MAGI2: variants seen among roughly 807,000 people sequenced by gnomAD.
MAGI2 encodes the protein membrane associated guanylate kinase, WW and PDZ domain containing 2.
In MAGI2, 35 loss-of-function variants were observed where a neutral mutation model predicts 133.3. That is an observed-to-expected ratio of 0.26 (90% CI 0.20 to 0.35). The LOEUF is 0.35. MAGI2 is among the 10% of genes least tolerant of loss of function. The probability of loss-of-function intolerance (pLI) is 1.00; values close to 1 mark genes in which losing one functional copy is unlikely to be tolerated. For synonymous variants in MAGI2, 729 were observed against 710.6 expected (o/e 1.03, Z -0.41); for missense variants, 1,636 against 1,863.4 (o/e 0.88, Z 2.25).
At chr7:78,475,547 A>G (rs987267643) in intron 6 of MAGI2, among the ~76,000 whole-genome samples, 2 of 152,020 alleles carry the variant, frequency 1.3e-5, no homozygotes, top group Admixed American at 6.6e-5. Context: ...AAGGTAATAT[A>G]ACAAATACAG....
chr7:78,466,149 C>T (rs147111075), intron 6 of MAGI2, among the ~76,000 whole-genome samples: 2 of 152,228 alleles, frequency 1.3e-5, no homozygotes, highest in East Asian at 3.9e-4. Flanking sequence ...ATTCCATTTT[C>T]CTGACTGCTT....
At chr7:78,489,199 A>G (rs1033211034) in intron 6 of MAGI2, among the ~76,000 whole-genome samples, 3 of 152,058 alleles carry the variant, frequency 2.0e-5, no homozygotes, top group African/African-American at 7.2e-5. Flanking sequence ...GATTCTTCAC[A>G]TGCACGAAAA....
At position 78,468,605 on chromosome 7, in the gene MAGI2, T is replaced by A. The variant is rs562570452; in HGVS notation, c.1045+21156A>T. Among the ~76,000 whole-genome samples the A allele has an allele frequency of 6.6e-5, 10 of 152,242 alleles. No individual in the cohort carries two copies. In the South Asian group the frequency reaches 1.0e-3, roughly 16 times the overall value. Reference sequence around the variant, plus strand: ...TTGCACAATTAGAATATTATTTTTTTAAATTGGTTTCAAGTTATAATTTTC... The same window carrying A: ...TTGCACAATTAGAATATTATTTTTTAAAATTGGTTTCAAGTTATAATTTTC... On this transcript the variant is annotated intron_variant, in intron 6 of 21. Transcript: ENST00000354212.
intron 5 of MAGI2, among the ~76,000 whole-genome samples, chr7:78,501,011 C>T (rs368013291): frequency 2.6e-5 from 4 of 152,310 alleles, no homozygotes; most frequent in African/African-American, 7.2e-5. Flanking sequence ...CTGCTTAAGC[C>T]TTGGAGGTTG....
intron 6 of MAGI2, among the ~76,000 whole-genome samples, chr7:78,416,392 A>C (rs1246696047): frequency 1.6e-5 from 2 of 124,128 alleles, no homozygotes; most frequent in Non-Finnish European, 3.3e-5. Flanking sequence ...TACATACATG[A>C]TTGGAAAATA....
chr7:78,638,029 A>G (rs1809862606), intron 2 of MAGI2, among the ~76,000 whole-genome samples: 1 of 152,076 alleles, frequency 6.6e-6, no homozygotes, highest in Non-Finnish European at 1.5e-5. Flanking sequence ...ATGCCACTGC[A>G]CTCAGCCTGG....
chr7:78,244,731 C>G (rs967377582), intron 10 of MAGI2, among the ~76,000 whole-genome samples: 36 of 151,858 alleles, frequency 2.4e-4, no homozygotes, highest in Admixed American at 8.5e-4. Context: ...ATAGTTTATT[C>G]CAGGAATGAA....
intron 1 of MAGI2, among the ~76,000 whole-genome samples, chr7:79,343,563 C>G (rs1202459298): frequency 6.7e-6 from 1 of 148,182 alleles, no homozygotes; most frequent in African/African-American, 2.5e-5. Context: ...AAAAAAAAGG[C>G]ATTGGCCCCA....
intron 11 of MAGI2, among the ~76,000 whole-genome samples, chr7:78,200,105 A>T (rs1829100640): frequency 6.6e-6 from 1 of 152,224 alleles, no homozygotes; most frequent in African/African-American, 2.4e-5. Context: ...GCTAAGCTTA[A>T]ATAGGACTGG....
intron 1 of MAGI2, among the ~76,000 whole-genome samples, chr7:79,167,154 T>A (rs1825011088): frequency 1.8e-3 from 13 of 7,314 alleles, no homozygotes. Context: ...GGGTCTTTGT[T>A]TATATAATTT....
Position 78,869,863 on chromosome 7 carries a change from TTA to T in MAGI2, c.418+137225_418+137226del, listed in dbSNP as rs200603660. On this transcript the variant is annotated intron_variant, in intron 2 of 21. Transcript: ENST00000354212. ...TAACCATCAGTGTCCTTTCCCAACT[TTA>T]TGTTTTTATTTGCTTTGTTGAAGAT... Among the ~76,000 whole-genome samples the T allele has an allele frequency of 3.9e-5, 6 of 152,282 alleles. No individual in the cohort carries two copies. The East Asian group carries it at 1.2e-3, about 29-fold the overall frequency.
chr7:78,603,111 AT>A (rs61110796), intron 3 of MAGI2, among the ~76,000 whole-genome samples: 29,665 of 152,090 alleles, frequency 0.2, 4,619 homozygotes, highest in African/African-American at 0.43. Context: ...GACCTCTTGT[AT>A]TTTTTTCAAT....
At chr7:78,844,888 T>C (rs1332505540) in intron 2 of MAGI2, among the ~76,000 whole-genome samples, 1 of 151,920 alleles carries the variant, frequency 6.6e-6, no homozygotes, top group Non-Finnish European at 1.5e-5. Flanking sequence ...GTGGCTATGC[T>C]GAAAGAAGTA....
chr7:79,396,128 T>TA lies in MAGI2; in HGVS notation c.301+56891dup, dbSNP rs550923648. Among the ~76,000 whole-genome samples the TA allele has an allele frequency of 4.1e-4, 63 of 152,228 alleles. No homozygotes were observed. The East Asian group carries it at 0.01, about 25-fold the overall frequency. On this transcript the variant is annotated intron_variant, in intron 1 of 21. Coordinates refer to ENST00000354212, the MANE Select transcript of MAGI2 (RefSeq NM_012301.4). ...AGACTGCTAGCATTCACCAAAGATC[T>TA]ATTTTTTTTTTCTTTCTTGGGCTCA...
chr7:78,744,488 CAT>C (rs1390021922), intron 2 of MAGI2, among the ~76,000 whole-genome samples: 1 of 152,092 alleles, frequency 6.6e-6, no homozygotes, highest in Non-Finnish European at 1.5e-5. Flanking sequence ...AATATTAAAA[CAT>C]AGTATTGGTT....
intron 1 of MAGI2, among the ~76,000 whole-genome samples, chr7:79,368,847 C>CAAAAAAAAAAAAA (rs71095400): frequency 1.3e-5 from 1 of 75,330 alleles, no homozygotes; most frequent in Non-Finnish European, 2.9e-5. Context: ...GACTCCGTCT[C>CAAAAAAAAAAAAA]AAAAAAAAAA....
chr7:79,442,688 C>T (rs1249908185), intron 1 of MAGI2, among the ~76,000 whole-genome samples: 5 of 152,122 alleles, frequency 3.3e-5, no homozygotes, highest in Non-Finnish European at 7.3e-5. Flanking sequence ...TGATAAAGCT[C>T]TTGCTCTTCC....
intron 1 of MAGI2, among the ~76,000 whole-genome samples, chr7:79,255,826 G>GA (rs527808398): frequency 5.1e-4 from 76 of 149,770 alleles, no homozygotes; most frequent in East Asian, 2.0e-3. Context: ...AATTCTAACT[G>GA]AAAAAAAAAT....
At chr7:78,042,771 A>G (rs1166556322) in intron 21 of MAGI2, among the ~76,000 whole-genome samples, 1 of 152,210 alleles carries the variant, frequency 6.6e-6, no homozygotes, top group Non-Finnish European at 1.5e-5. Context: ...AAGGCCTCGG[A>G]CTGGACTGAA....
Sources: gnomAD v4.1 joint callset for allele counts (sites outside exome capture counted in the v4.1 genomes callset) on GRCh38, gnomAD v4.1.1 for gene constraint, MANE v1.5 for transcripts, NCBI Gene and HGNC (gene_info 2026-07-23, HGNC 2026-07-21) for gene names.